CHIC2: variants seen among roughly 807,000 people sequenced by gnomAD.
CHIC2 encodes the protein cysteine rich hydrophobic domain 2, also known as cysteine-rich hydrophobic domain-containing protein 2.
CHIC2 carries 14 observed loss-of-function variants against 25.9 expected under a neutral mutation model. The observed-to-expected ratio is 0.54, with a 90% confidence interval of 0.36 to 0.85. The LOEUF (loss-of-function observed/expected upper bound fraction) is 0.85. Among genes scored for constraint, CHIC2 ranks in the 40% least tolerant of loss-of-function variants. CHIC2 has a pLI of 0.01. For synonymous variants in CHIC2, 70 were observed against 72.0 expected (o/e 0.97, Z 0.14); for missense variants, 146 against 202.0 (o/e 0.72, Z 1.68).
At chr4:54,080,228 A>G in the CHIC2 span, among the ~76,000 whole-genome samples, 1 of 150,924 alleles carries the variant, frequency 6.6e-6, no homozygotes, top group African/African-American at 2.4e-5. Flanking sequence ...AGCCATTAAA[A>G]AAAAGAAAAT....
chr4:54,049,756 T>A (rs889094232), intron 1 of CHIC2, among the ~76,000 whole-genome samples: 1 of 149,676 alleles, frequency 6.7e-6, no homozygotes, highest in Admixed American at 6.7e-5. Context: ...GGAAAAAGAG[T>A]GAGGAGGGGA....
chr4:54,062,782 A>G (rs1717376338), intron 1 of CHIC2, among the ~76,000 whole-genome samples: 1 of 152,228 alleles, frequency 6.6e-6, no homozygotes, highest in Admixed American at 6.5e-5. Context: ...GGCTTAAAAC[A>G]GTGCAAAAAG....
the CHIC2 span, among the ~76,000 whole-genome samples, chr4:54,072,567 G>A: frequency 5.3e-5 from 8 of 152,188 alleles, no homozygotes; most frequent in African/African-American, 1.9e-4. Flanking sequence ...AGTATATTGA[G>A]CATATACAAA....
At chr4:54,052,580 C>T (rs2110087874) in intron 1 of CHIC2, among the ~76,000 whole-genome samples, 1 of 152,282 alleles carries the variant, frequency 6.6e-6, no homozygotes, top group South Asian at 2.1e-4. Context: ...GCTGAACCCC[C>T]TTCAGACTCT....
intron 1 of CHIC2, among the ~76,000 whole-genome samples, chr4:54,053,375 G>A (rs1295920692): frequency 6.6e-6 from 1 of 152,066 alleles, no homozygotes; most frequent in Non-Finnish European, 1.5e-5. Flanking sequence ...TGGCCAACAT[G>A]GTGAAACCCC....
intron 3 of CHIC2, among the ~76,000 whole-genome samples, chr4:54,042,766 A>C (rs1221392859): frequency 1.3e-5 from 2 of 152,224 alleles, no homozygotes; most frequent in Non-Finnish European, 2.9e-5. Context: ...TGATGAAAAA[A>C]AAAGAACCAT....
intron 3 of CHIC2, among the ~76,000 whole-genome samples, chr4:54,018,258 A>T (rs1264441290): frequency 6.6e-6 from 1 of 152,162 alleles, no homozygotes; most frequent in East Asian, 1.9e-4. Flanking sequence ...AAGCACACAT[A>T]CACCTAGACA....
At chr4:54,047,117 T>C (rs903481257) in intron 3 of CHIC2, among the ~76,000 whole-genome samples, 2 of 152,154 alleles carry the variant, frequency 1.3e-5, no homozygotes, top group Non-Finnish European at 2.9e-5. Context: ...TCACACCAGT[T>C]AGAATGGCGA....
chr4:54,060,794 A>T (rs1474124771), intron 1 of CHIC2: 8 of 152,142 alleles, frequency 5.3e-5, no homozygotes, highest in Non-Finnish European at 2.9e-5. Flanking sequence ...TTATTTTAGA[A>T]ACTATTTTTC....
chr4:54,058,827 A>C (rs1302687304), intron 1 of CHIC2, among the ~76,000 whole-genome samples: 1 of 152,134 alleles, frequency 6.6e-6, no homozygotes, highest in Non-Finnish European at 1.5e-5. Context: ...TCTGCTTTAG[A>C]GTAATATTAT....
chr4:54,050,846 G>C (rs1716988611), intron 1 of CHIC2, among the ~76,000 whole-genome samples: 1 of 152,072 alleles, frequency 6.6e-6, no homozygotes, highest in African/African-American at 2.4e-5. Context: ...ATTTATCAGA[G>C]TAGTCCCCAT....
intron 3 of CHIC2, among the ~76,000 whole-genome samples, chr4:54,039,068 CAA>C (rs934686106): frequency 7.0e-6 from 1 of 142,632 alleles, no homozygotes. Context: ...AAGTGATATG[CAA>C]AAAAAAAAAA....
At chr4:54,087,543 C>A in the CHIC2 span, 1 of 1,155,284 alleles carries the variant, frequency 8.7e-7, no homozygotes, top group Non-Finnish European at 1.2e-6. Context: ...CCCCTGTATG[C>A]AGAAATCCTC....
At chr4:54,012,114 CTTA>C (rs1201666967) in intron 5 of CHIC2, among the ~76,000 whole-genome samples, 20 of 151,574 alleles carry the variant, frequency 1.3e-4, no homozygotes, top group African/African-American at 4.8e-5. Flanking sequence ...TTCTCCCCAG[CTTA>C]TTATTATTTT....
chr4:54,078,579 G>A, the CHIC2 span, among the ~76,000 whole-genome samples: 55 of 152,164 alleles, frequency 3.6e-4, no homozygotes, highest in African/African-American at 1.1e-3. Flanking sequence ...GCAGTGACAC[G>A]ATCTTGGCTT....
At chr4:54,089,571 T>C in the CHIC2 span, among the ~76,000 whole-genome samples, 1 of 152,206 alleles carries the variant, frequency 6.6e-6, no homozygotes, top group Non-Finnish European at 1.5e-5. Flanking sequence ...ACATATTTCC[T>C]ATGTTGTATT....
chr4:54,048,219 A>T (rs902393657), intron 3 of CHIC2, among the ~76,000 whole-genome samples: 1 of 152,162 alleles, frequency 6.6e-6, no homozygotes, highest in African/African-American at 2.4e-5. Flanking sequence ...TGAACTTCTG[A>T]CCTCAAGTGA....
At chr4:54,072,065 C>T in the CHIC2 span, among the ~76,000 whole-genome samples, 171 of 152,000 alleles carry the variant, frequency 1.1e-3, no homozygotes, top group East Asian at 0.026. Flanking sequence ...GAGGCCAAGG[C>T]GGGCGAATCA....
chr4:54,049,190 T>C, intron 2 of CHIC2, 61 bp downstream of exon 2: 2 of 1,561,054 alleles, frequency 1.3e-6, no homozygotes, highest in Non-Finnish European at 1.7e-6. Context: ...TTTTTTCTAA[T>C]TTTCTCAGAA....
Sources: gnomAD v4.1 joint callset for allele counts (sites outside exome capture counted in the v4.1 genomes callset) on GRCh38, gnomAD v4.1.1 for gene constraint, MANE v1.5 for transcripts, NCBI Gene and HGNC (gene_info 2026-07-23, HGNC 2026-07-21) for gene names.